The following KATNIP variants were observed in gnomAD, a reference collection of about 807,000 sequenced individuals.
KATNIP encodes katanin-interacting protein.
KATNIP carries 126 observed loss-of-function variants against 174.0 expected under a neutral mutation model. That is an observed-to-expected ratio of 0.72 (90% CI 0.63 to 0.84). The LOEUF (loss-of-function observed/expected upper bound fraction) is 0.84, where lower values mean the gene tolerates loss of function less well. Ranked by LOEUF, KATNIP falls within the 40% of genes least tolerant of loss-of-function variation. KATNIP has a pLI of 0.00. For synonymous variants in KATNIP, 810 were observed against 835.7 expected, an observed-to-expected ratio of 0.97 and a Z score of 0.53; for missense variants, 1,958 against 2,109.7, an observed-to-expected ratio of 0.93 and a Z score of 1.41.
chr16:27,616,287 C>T (rs1307352427), intron 2 of KATNIP, among the ~76,000 whole-genome samples: 1 of 151,342 alleles, frequency 6.6e-6, no homozygotes, highest in African/African-American at 2.4e-5. Flanking sequence ...CAGGAGAATC[C>T]GGGAGGCAGA....
chr16:27,564,940 T>A (rs897004543), intron 1 of KATNIP, among the ~76,000 whole-genome samples: 1 of 151,864 alleles, frequency 6.6e-6, no homozygotes, highest in African/African-American at 2.4e-5. Context: ...ATTTTTTGTA[T>A]TTTTGGTAGA....
Position 27,703,881 on chromosome 16 carries a change from C to T in KATNIP, c.1287-15C>T, listed in dbSNP as rs779742839. 27 of 1,607,434 alleles carry T rather than the reference C, an allele frequency of 1.7e-5. No individual in the cohort carries two copies. In the South Asian group the frequency reaches 2.7e-4, roughly 16 times the overall value. ...TTTACTACTTCCTGTTTGCTAAAACCAAATCCCATTTCAGACAACAGCAGA... is the reference window on the plus strand; with the variant it reads ...TTTACTACTTCCTGTTTGCTAAAACTAAATCCCATTTCAGACAACAGCAGA... On this transcript the variant is annotated splice_polypyrimidine_tract_variant and intron_variant, in intron 11 of 27. Coordinates refer to ENST00000261588, the MANE Select transcript of KATNIP (RefSeq NM_015202.5).
intron 19 of KATNIP, among the ~76,000 whole-genome samples, chr16:27,761,920 T>C (rs1455553545): frequency 6.6e-6 from 1 of 152,198 alleles, no homozygotes; most frequent in Non-Finnish European, 1.5e-5. Flanking sequence ...TGTAAACCTT[T>C]GCAGTGGATG....
Position 27,698,512 on chromosome 16 carries a change from G to A in KATNIP, c.1113+12G>A. 6.3e-7 allele frequency: 1 copy of A among 1,595,550 alleles called. No individual in the cohort carries two copies. The highest frequency in any genetic ancestry group is 8.6e-7 in the Non-Finnish European group (1 of 1,169,532). Reference sequence around the variant, plus strand: ...CCAGCCCACTGCAGGTGCGCTCCGGGCTGGGAGAGGAACCGGGGGATGCTC... The same window carrying A: ...CCAGCCCACTGCAGGTGCGCTCCGGACTGGGAGAGGAACCGGGGGATGCTC... On this transcript the variant is annotated intron_variant, in intron 9 of 27. Transcript: ENST00000261588.
At chr16:27,618,312 G>A (rs563883079) in intron 2 of KATNIP, 113 bp from the exon 3 acceptor site, 13 of 792,808 alleles carry the variant, frequency 1.6e-5, no homozygotes, top group African/African-American at 5.1e-5. Flanking sequence ...TTGGGCCTTC[G>A]TCAAGGTCAG....
chr16:27,761,862 C>T (rs925271572), intron 19 of KATNIP, among the ~76,000 whole-genome samples: 4 of 152,196 alleles, frequency 2.6e-5, no homozygotes, highest in African/African-American at 4.8e-5. Flanking sequence ...CCATGGTCTG[C>T]ATTTTCTTCT....
At chr16:27,638,909 G>A (rs960859866) in intron 5 of KATNIP, among the ~76,000 whole-genome samples, 5 of 140,744 alleles carry the variant, frequency 3.6e-5, no homozygotes, top group Non-Finnish European at 7.5e-5. Context: ...CCGGGCTCAT[G>A]CGATCCACCC....
rs559197733 is a variant in KATNIP at position 27,779,809 on chromosome 16, A to G, written c.*1180A>G. 6.6e-6 allele frequency: 1 copy of G among 152,256 alleles called. No homozygotes were observed. The highest frequency in any genetic ancestry group is 1.5e-5 in the Non-Finnish European group (1 of 68,086). The allele number at this position is 152,256 out of a possible 1,614,324, so 9.4% of individuals were successfully genotyped here. On this transcript the variant is annotated 3_prime_UTR_variant, in exon 28 of 28. Coordinates refer to ENST00000261588, the MANE Select transcript of KATNIP (RefSeq NM_015202.5). ...AGTAGTGGGTAATTTCTCGTTGCAA[A>G]TATTAATCCGTTGTTTTTCTGGCGC...
rs1392641063 is a variant in KATNIP, at chr16:27,681,489, A to G, written c.899A>G (p.Gln300Arg). ...PTKPEPNLTP[Q>R]APAVFPDQER... is the part of the protein sequence containing the mutation. ...AAACCTGAGCCAAACCTGACTCCCCAAGCTCCTGCTGTATTCCCAGACCAG... is the reference window on the plus strand; with the variant it reads ...AAACCTGAGCCAAACCTGACTCCCCGAGCTCCTGCTGTATTCCCAGACCAG... Residue 300 changes from glutamine (Q) to arginine (R), a missense_variant, in exon 8 of 28, where the codon CAA becomes CGA. Around this residue, in one of 3 missense-constraint regions of KATNIP, gnomAD observed 1,557 missense variants for 1,617.8 expected, o/e 0.96. Coordinates refer to ENST00000261588, the MANE Select transcript of KATNIP (RefSeq NM_015202.5). 1.2e-6 allele frequency: 2 copies of G among 1,614,210 alleles called. No homozygotes were observed. Among genetic ancestry groups the G allele is most frequent in the Admixed American group, 3.3e-5 (2 of 60,028 alleles).
chr16:27,565,481 GGAAA>G (rs1168508063), intron 1 of KATNIP, among the ~76,000 whole-genome samples: 2 of 149,208 alleles, frequency 1.3e-5, no homozygotes, highest in Non-Finnish European at 3.0e-5. Flanking sequence ...AAAAAAAAAA[GGAAA>G]GAAAAGAAAT....
chr16:27,697,701 G>A (rs1158564024), intron 8 of KATNIP, among the ~76,000 whole-genome samples: 1 of 152,002 alleles, frequency 6.6e-6, no homozygotes, highest in East Asian at 1.9e-4. Context: ...TATAACTGCA[G>A]ATAAATTGAT....
chr16:27,643,307 G>A (rs549144537), intron 5 of KATNIP: 1 of 152,378 alleles, frequency 6.6e-6, no homozygotes, highest in East Asian at 1.9e-4. Flanking sequence ...AACTAAATGA[G>A]CGGCCAGGCA....
At chr16:27,718,553 G>T (rs754535138) in intron 13 of KATNIP, 5 of 152,238 alleles carry the variant, frequency 3.3e-5, no homozygotes, top group African/African-American at 9.7e-5. Flanking sequence ...CACAATTCCC[G>T]CTTAGCCCTC....
At chr16:27,592,718 G>A (rs775572780) in intron 2 of KATNIP, among the ~76,000 whole-genome samples, 5 of 151,992 alleles carry the variant, frequency 3.3e-5, no homozygotes, top group South Asian at 2.1e-4. Flanking sequence ...CATCACGCCC[G>A]GCTAATTTTG....
At chr16:27,607,536 C>G (rs764960407) in intron 2 of KATNIP, among the ~76,000 whole-genome samples, 3 of 150,318 alleles carry the variant, frequency 2.0e-5, no homozygotes, top group Admixed American at 2.0e-4. Flanking sequence ...AGGGAGGCAG[C>G]GGGGAATCAA....
At chr16:27,729,814 A>G (rs1281744772) in intron 14 of KATNIP, among the ~76,000 whole-genome samples, 9 of 152,156 alleles carry the variant, frequency 5.9e-5, no homozygotes, top group Admixed American at 2.6e-4. Context: ...CCTCACTGTC[A>G]GGCATCTCTG....
At chr16:27,671,910 G>T (rs1470133154) in intron 6 of KATNIP, among the ~76,000 whole-genome samples, 2 of 152,086 alleles carry the variant, frequency 1.3e-5, no homozygotes, top group Non-Finnish European at 2.9e-5. Flanking sequence ...ACAAAAATCA[G>T]CCGGGTGTGG....
chr16:27,730,974 G>C (rs964833028), intron 14 of KATNIP, among the ~76,000 whole-genome samples: 3 of 152,160 alleles, frequency 2.0e-5, no homozygotes, highest in Non-Finnish European at 2.9e-5. Flanking sequence ...CTCTGGACTT[G>C]AGAGTATACA....
At chr16:27,556,126 CA>C (rs113053015) in intron 1 of KATNIP, among the ~76,000 whole-genome samples, 4,341 of 113,960 alleles carry the variant, frequency 0.038, 164 homozygotes, top group African/African-American at 0.12. Flanking sequence ...GACTCTGTCT[CA>C]AAAAAAAAAA....
Sources: gnomAD v4.1 joint callset for allele counts (sites outside exome capture counted in the v4.1 genomes callset) on GRCh38, gnomAD v4.1.1 for gene constraint, gnomAD v4.1.1 regional missense constraint, MANE v1.5 for transcripts, NCBI Gene and HGNC (gene_info 2026-07-23, HGNC 2026-07-21) for gene names.